MTUS2: variants seen among roughly 807,000 people sequenced by gnomAD.
MTUS2 encodes microtubule-associated tumor suppressor candidate 2.
A neutral mutation model predicts 114.1 loss-of-function variants in MTUS2; 40 were observed. That is an observed-to-expected ratio of 0.35 (90% CI 0.27 to 0.46). MTUS2 has a LOEUF of 0.46. Ranked by LOEUF, MTUS2 falls within the 20% of genes least tolerant of loss-of-function variation. MTUS2 has a pLI of 1.00. For missense variants in MTUS2, 1,679 were observed against 1,705.4 expected (o/e 0.98, Z 0.27); for synonymous variants, 688 against 672.0 (o/e 1.02, Z -0.37).
At chr13:28,953,380 G>T (rs1279939396) in intron 2 of MTUS2, among the ~76,000 whole-genome samples, 1 of 152,022 alleles carries the variant, frequency 6.6e-6, no homozygotes, top group South Asian at 2.1e-4. Context: ...ATGGTGGTGT[G>T]CACCTGTAAT....
intron 5 of MTUS2, among the ~76,000 whole-genome samples, chr13:29,140,057 A>G (rs930135611): frequency 1.3e-5 from 2 of 152,164 alleles, no homozygotes; most frequent in African/African-American, 4.8e-5. Context: ...GTTTTCACGG[A>G]TGAGAAACTG....
chr13:29,353,031 A>C (rs2138192344), intron 7 of MTUS2, among the ~76,000 whole-genome samples: 1 of 152,252 alleles, frequency 6.6e-6, no homozygotes, highest in Middle Eastern at 3.4e-3. Context: ...TAATTCTGTT[A>C]TCTGTGTCAT....
At chr13:29,346,665 A>G (rs564974899) in intron 7 of MTUS2, among the ~76,000 whole-genome samples, 3 of 135,414 alleles carry the variant, frequency 2.2e-5, no homozygotes, top group Admixed American at 1.5e-4. Context: ...GTACTCCCAG[A>G]TCACCTCCTC....
intron 2 of MTUS2, among the ~76,000 whole-genome samples, chr13:28,992,807 A>G (rs1884921585): frequency 6.6e-6 from 1 of 152,188 alleles, no homozygotes; most frequent in African/African-American, 2.4e-5. Context: ...GGCATTAACT[A>G]CATTGAACCA....
At chr13:28,992,391 G>A (rs1171737640) in intron 2 of MTUS2, among the ~76,000 whole-genome samples, 1 of 152,210 alleles carries the variant, frequency 6.6e-6, no homozygotes, top group African/African-American at 2.4e-5. Flanking sequence ...AGGACTGCCG[G>A]AGGGAGGAGG....
chr13:28,850,161 G>T (rs1876170976), intron 2 of MTUS2, among the ~76,000 whole-genome samples: 1 of 152,184 alleles, frequency 6.6e-6, no homozygotes, highest in African/African-American at 2.4e-5. Flanking sequence ...TCCTTTGAAG[G>T]TTCTGATAGT....
intron 6 of MTUS2, among the ~76,000 whole-genome samples, chr13:29,296,506 A>G (rs1213090697): frequency 6.6e-6 from 1 of 152,096 alleles, no homozygotes; most frequent in Non-Finnish European, 1.5e-5. Flanking sequence ...GCCTATTTTC[A>G]GGTTTTTGAG....
intron 4 of MTUS2, 46 bp downstream of exon 4, chr13:29,034,171 T>C (rs1356679846): frequency 6.2e-7 from 1 of 1,609,424 alleles, no homozygotes; most frequent in Admixed American, 1.7e-5. Context: ...TACGTTTAGA[T>C]AGTCATCATG....
chr13:29,365,388 A>G (rs1260955675), intron 8 of MTUS2, among the ~76,000 whole-genome samples: 5 of 152,174 alleles, frequency 3.3e-5, no homozygotes, highest in Non-Finnish European at 5.9e-5. Context: ...ATTGATGATA[A>G]TATACATTTC....
chr13:29,412,341 G>T (rs1875310826), intron 8 of MTUS2, among the ~76,000 whole-genome samples: 1 of 152,164 alleles, frequency 6.6e-6, no homozygotes, highest in African/African-American at 2.4e-5. Flanking sequence ...CATCTATGGA[G>T]ATAATAATAT....
At chr13:29,043,212 GTTGT>G (rs1887452779) in intron 4 of MTUS2, among the ~76,000 whole-genome samples, 1 of 152,054 alleles carries the variant, frequency 6.6e-6, no homozygotes. Context: ...TCAAGAGCAG[GTTGT>G]TTAATTTCCA....
At chr13:29,493,882 A>G (rs1882359256) in intron 12 of MTUS2, among the ~76,000 whole-genome samples, 1 of 152,196 alleles carries the variant, frequency 6.6e-6, no homozygotes, top group Non-Finnish European at 1.5e-5. Flanking sequence ...CTGACACCAG[A>G]TGGTCCTGAA....
In MTUS2 at chr13:28,965,115, G is replaced by A. The variant is rs535141157; in HGVS notation, c.-242-59342G>A. On this transcript the variant is annotated intron_variant, in intron 2 of 15. Transcript: ENST00000612955. ...CGTGTTGTCATAATGAAGTTCACAC[G>A]GATGGTTGTGATTTATGATCTCTCT... Among the ~76,000 whole-genome samples the A allele has an allele frequency of 5.9e-5, 9 of 152,276 alleles. No homozygotes were observed. In the East Asian group the frequency reaches 9.7e-4, roughly 16 times the overall value.
At chr13:29,352,439 C>T (rs1869372069) in intron 7 of MTUS2, among the ~76,000 whole-genome samples, 1 of 152,158 alleles carries the variant, frequency 6.6e-6, no homozygotes, top group Non-Finnish European at 1.5e-5. Context: ...TCCAAATGGG[C>T]CTATCAAAAT....
chr13:29,493,489 G>T (rs1200412559), intron 12 of MTUS2, among the ~76,000 whole-genome samples: 1 of 152,132 alleles, frequency 6.6e-6, no homozygotes, highest in African/African-American at 2.4e-5. Flanking sequence ...TCTGGAAATT[G>T]TGGGAGGTGA....
chr13:29,316,346 GA>G (rs1899988760), intron 6 of MTUS2, among the ~76,000 whole-genome samples: 1 of 152,148 alleles, frequency 6.6e-6, no homozygotes, highest in Non-Finnish European at 1.5e-5. Context: ...AAGGAAGAAG[GA>G]GTTCCACATA....
At chr13:29,463,955 C>T (rs559622009) in intron 9 of MTUS2, among the ~76,000 whole-genome samples, 2 of 152,332 alleles carry the variant, frequency 1.3e-5, no homozygotes, top group Non-Finnish European at 1.5e-5. Flanking sequence ...GATCGCACCA[C>T]TGCACTCCAG....
intron 2 of MTUS2, among the ~76,000 whole-genome samples, chr13:28,867,882 C>T (rs1231523783): frequency 6.6e-6 from 1 of 152,190 alleles, no homozygotes; most frequent in Non-Finnish European, 1.5e-5. Context: ...CTTTTCTGCA[C>T]AGCCATCATC....
chr13:29,341,085 A>C (rs916897360), intron 7 of MTUS2, among the ~76,000 whole-genome samples: 2 of 151,934 alleles, frequency 1.3e-5, no homozygotes, highest in Non-Finnish European at 2.9e-5. Flanking sequence ...TATTTTTGCA[A>C]TTGTGAATTC....
Sources: allele counts gnomAD v4.1 joint callset (sites outside exome capture counted in the v4.1 genomes callset), GRCh38; gene constraint gnomAD v4.1.1; transcripts MANE v1.5; gene names NCBI Gene and HGNC (gene_info 2026-07-23, HGNC 2026-07-21).